PARD3B: variants seen among roughly 807,000 people sequenced by gnomAD.
PARD3B encodes the protein par-3 family cell polarity regulator beta, also known as partitioning defective 3 homolog B.
In PARD3B, 103 loss-of-function variants were observed where a neutral mutation model predicts 130.2. The observed-to-expected ratio is 0.79, with a 90% CI of 0.67 to 0.93. The LOEUF is 0.93. Among genes scored for constraint, PARD3B ranks in the 40% least tolerant of loss-of-function variants. The pLI, the probability that PARD3B is intolerant of heterozygous loss-of-function variation, is 0.00. For synonymous variants in PARD3B, 583 were observed against 553.2 expected (o/e 1.05, Z -0.76); for missense variants, 1,609 against 1,499.2 (o/e 1.07, Z -1.21).
intron 19 of PARD3B, among the ~76,000 whole-genome samples, chr2:205,415,108 A>G (rs111880736): frequency 3.3e-5 from 5 of 152,162 alleles, no homozygotes; most frequent in African/African-American, 1.2e-4. Context: ...GCATATTGAA[A>G]AAATCTGCAA....
In PARD3B at chr2:204,906,558, G is replaced by A. The variant is rs978883618; in HGVS notation, c.223-58594G>A. Among the ~76,000 whole-genome samples, 7 of 152,138 alleles carry A rather than the reference G, an allele frequency of 4.6e-5. No individual in the cohort carries two copies. Among genetic ancestry groups the A allele is most frequent in the African/African-American group, 1.7e-4 (7 of 41,434 alleles). On this transcript the variant is annotated intron_variant, in intron 2 of 22. Transcript: ENST00000406610. This position sits in a 1 kb window ranked among gnomAD's most constrained non-coding sequence, Gnocchi z 4.3. ...GTTAATCATTTCTTTTGCTCAGTGTGGTATCCAAGCTATAATTTTGATGCC... is the reference window on the plus strand; with the variant it reads ...GTTAATCATTTCTTTTGCTCAGTGTAGTATCCAAGCTATAATTTTGATGCC...
In PARD3B at chr2:205,116,907, G is replaced by A. The variant is rs565829195; in HGVS notation, c.681-2014G>A. ...AGTGAGGTTCACATAGCATACTCCA[G>A]CTGTAATATGCCAGCTAAATTGCAA... On this transcript the variant is annotated intron_variant, in intron 6 of 22. Coordinates refer to ENST00000406610, the MANE Select transcript of PARD3B (RefSeq NM_001302769.2). This position sits in a 1 kb window ranked among gnomAD's most constrained non-coding sequence, Gnocchi z 4.5. Among the ~76,000 whole-genome samples, 13 of 152,252 alleles carry A rather than the reference G, an allele frequency of 8.5e-5. No individual in the cohort carries two copies. The highest frequency in any genetic ancestry group is 3.9e-4 in the Admixed American group (6 of 15,286).
chr2:205,338,705 G>A (rs1038719071), intron 18 of PARD3B, among the ~76,000 whole-genome samples: 2 of 152,122 alleles, frequency 1.3e-5, no homozygotes, highest in African/African-American at 4.8e-5. Context: ...TCTCTGATAA[G>A]GAAGTAACCA....
chr2:204,626,822 A>G (rs1242489082), intron 1 of PARD3B, among the ~76,000 whole-genome samples: 1 of 151,608 alleles, frequency 6.6e-6, no homozygotes, highest in Non-Finnish European at 1.5e-5. Flanking sequence ...TTTTTTTTTC[A>G]AAAGTAAAGC....
intron 1 of PARD3B, among the ~76,000 whole-genome samples, chr2:204,613,105 T>C (rs969185864): frequency 4.6e-5 from 7 of 152,184 alleles, no homozygotes; most frequent in Non-Finnish European, 1.0e-4. Context: ...TTTAGTGATA[T>C]TTCTTTAAAT....
chr2:205,025,997 C>T (rs779502636), intron 3 of PARD3B, among the ~76,000 whole-genome samples: 3 of 152,264 alleles, frequency 2.0e-5, no homozygotes, highest in South Asian at 2.1e-4. Context: ...ATACAGCCCG[C>T]GGTACGCTAG....
chr2:204,807,905 C>T lies in PARD3B; in HGVS notation c.222+121623C>T, dbSNP rs1022298603. On this transcript the variant is annotated intron_variant, in intron 2 of 22. Transcript: ENST00000406610. ...AGATCTAGTATTTGAGATCACAACACGATAACTACAGTCAACCATAATTTA... is the reference window on the plus strand; with the variant it reads ...AGATCTAGTATTTGAGATCACAACATGATAACTACAGTCAACCATAATTTA... Among the ~76,000 whole-genome samples, 17 of 151,808 alleles carry T rather than the reference C, an allele frequency of 1.1e-4. No homozygotes were observed. In the East Asian group the frequency reaches 1.5e-3, roughly 14 times the overall value.
At chr2:204,591,313 G>A (rs1258056756) in intron 1 of PARD3B, among the ~76,000 whole-genome samples, 3 of 152,146 alleles carry the variant, frequency 2.0e-5, no homozygotes, top group Non-Finnish European at 4.4e-5. Flanking sequence ...TTTATTAATG[G>A]CCATGGATTT....
At chr2:205,019,211 T>C (rs1006721162) in intron 3 of PARD3B, among the ~76,000 whole-genome samples, 1 of 152,176 alleles carries the variant, frequency 6.6e-6, no homozygotes, top group African/African-American at 2.4e-5. Flanking sequence ...ATATGAACAT[T>C]TCATGTAAAT....
intron 3 of PARD3B, among the ~76,000 whole-genome samples, chr2:204,970,134 C>T (rs1691574309): frequency 6.6e-6 from 1 of 152,074 alleles, no homozygotes; most frequent in Non-Finnish European, 1.5e-5. Context: ...GGTCCTTCCC[C>T]TGACTAGTCC....
At chr2:204,733,285 G>A (rs12479408) in intron 2 of PARD3B, among the ~76,000 whole-genome samples, 1 of 152,020 alleles carries the variant, frequency 6.6e-6, no homozygotes, top group Non-Finnish European at 1.5e-5. Context: ...GAAATACTTA[G>A]GGATAAATTT....
chr2:205,067,907 A>G (rs1421775356), intron 4 of PARD3B, among the ~76,000 whole-genome samples: 9 of 152,190 alleles, frequency 5.9e-5, no homozygotes, highest in Non-Finnish European at 1.3e-4. Flanking sequence ...TGCTGAATTC[A>G]GTTTGTAAAT....
At chr2:204,976,975 T>C (rs574687417) in intron 3 of PARD3B, among the ~76,000 whole-genome samples, 23 of 152,264 alleles carry the variant, frequency 1.5e-4, no homozygotes, top group Admixed American at 1.4e-3. Context: ...TTTCAACCCA[T>C]AAGATCATGT....
intron 22 of PARD3B, among the ~76,000 whole-genome samples, chr2:205,565,295 G>GT (rs1161921449): frequency 2.0e-5 from 3 of 152,166 alleles, no homozygotes; most frequent in Admixed American, 6.5e-5. Flanking sequence ...CCACAGTGAA[G>GT]TTTTTTTCCT....
In PARD3B at chr2:204,545,892, C is replaced by T; in HGVS notation, c.-108C>T. On this transcript the variant is annotated 5_prime_UTR_variant, in exon 1 of 23. Coordinates refer to ENST00000406610, the MANE Select transcript of PARD3B (RefSeq NM_001302769.2). ...CTCAGGGTGTTCCGGGGAGCGGCGC[C>T]CCGGGTCTCTGGGCCCACCCGCCCC... 7.8e-7 allele frequency: 1 copy of T among 1,275,644 alleles called. No individual in the cohort carries two copies. 79.0% of individuals were successfully genotyped at this position (1,275,644 alleles called of 1,614,324 possible).
chr2:205,014,990 T>C (rs1696019533), intron 3 of PARD3B, among the ~76,000 whole-genome samples: 1 of 152,206 alleles, frequency 6.6e-6, no homozygotes, highest in Admixed American at 6.5e-5. Flanking sequence ...TGCAGTTGAC[T>C]GTCGAACAAT....
chr2:205,335,958 C>G (rs1574735032), intron 18 of PARD3B, among the ~76,000 whole-genome samples: 2 of 152,274 alleles, frequency 1.3e-5, no homozygotes, highest in South Asian at 4.2e-4. Context: ...CCCGCCAGTT[C>G]CTCCCATGAC....
intron 2 of PARD3B, among the ~76,000 whole-genome samples, chr2:204,911,339 C>T (rs1267987574): frequency 2.6e-5 from 4 of 152,108 alleles, no homozygotes; most frequent in African/African-American, 9.7e-5. Flanking sequence ...TTGGGAGCAG[C>T]CATTATCATC....
intron 2 of PARD3B, among the ~76,000 whole-genome samples, chr2:204,694,288 C>T (rs80025049): frequency 0.045 from 6,859 of 152,016 alleles, 429 homozygotes; most frequent in East Asian, 0.14. Context: ...TTTATAGAAA[C>T]GATTAAGTGG....
Sources: gnomAD v4.1 joint callset for allele counts (sites outside exome capture counted in the v4.1 genomes callset) on GRCh38, gnomAD v4.1.1 for gene constraint, Gnocchi (gnomAD v3.1) non-coding constraint, MANE v1.5 for transcripts, NCBI Gene and HGNC (gene_info 2026-07-23, HGNC 2026-07-21) for gene names.